USP12: variants seen among roughly 807,000 people sequenced by gnomAD.
USP12 encodes ubiquitin carboxyl-terminal hydrolase 12.
USP12 carries 19 observed loss-of-function variants against 45.5 expected under a neutral mutation model. The ratio of observed to expected loss-of-function variants is 0.42; its 90% confidence interval spans 0.29 to 0.61. USP12 has a LOEUF of 0.61. Ranked by LOEUF, USP12 falls within the 20% of genes least tolerant of loss-of-function variation. The probability of loss-of-function intolerance (pLI) is 0.22; values close to 1 mark genes in which losing one functional copy is unlikely to be tolerated. For missense variants in USP12, 242 were observed against 447.7 expected (o/e 0.54, Z 4.15); for synonymous variants, 149 against 148.8 (o/e 1.00, Z -0.01).
chr13:27,076,491 A>G (rs1249560939), intron 6 of USP12, among the ~76,000 whole-genome samples: 1 of 152,164 alleles, frequency 6.6e-6, no homozygotes, highest in African/African-American at 2.4e-5. Flanking sequence ...AGCACCTTAC[A>G]GGTTCACTTT....
chr13:27,149,834 G>C (rs1330903674), intron 1 of USP12, among the ~76,000 whole-genome samples: 2 of 152,210 alleles, frequency 1.3e-5, no homozygotes, highest in Admixed American at 1.3e-4. Context: ...TTCTCATAAG[G>C]AATGTGAACC....
At chr13:27,116,237 G>T (rs531791869) in intron 2 of USP12, among the ~76,000 whole-genome samples, 2 of 150,782 alleles carry the variant, frequency 1.3e-5, no homozygotes, top group Non-Finnish European at 3.0e-5. Flanking sequence ...GCGTGAACCC[G>T]GGAGGCAGAC....
intron 2 of USP12, 76 bp from the exon 3 acceptor site, chr13:27,106,020 G>T: frequency 7.8e-7 from 1 of 1,285,580 alleles, no homozygotes; most frequent in Non-Finnish European, 1.1e-6. Context: ...GTATATGGTT[G>T]AGAACAGAAA....
At chr13:27,133,249 C>CA (rs1354792472) in intron 1 of USP12, among the ~76,000 whole-genome samples, 5 of 152,192 alleles carry the variant, frequency 3.3e-5, no homozygotes, top group Admixed American at 6.5e-5. Flanking sequence ...ACTCACATGA[C>CA]ATCTTTCTGT....
At chr13:27,109,951 A>T (rs1593189445) in intron 2 of USP12, among the ~76,000 whole-genome samples, 1 of 151,442 alleles carries the variant, frequency 6.6e-6, no homozygotes. Flanking sequence ...AAAAGAAGAT[A>T]CTTGAATCAA....
chr13:27,171,569 G>A (rs1418991235), intron 1 of USP12, 23 bp downstream of exon 1: 4 of 1,236,660 alleles, frequency 3.2e-6, no homozygotes, highest in Admixed American at 2.5e-5. Context: ...GGCAGCCCCG[G>A]CCGCCCGCTC....
At chr13:27,157,348 G>A (rs933699303) in intron 1 of USP12, among the ~76,000 whole-genome samples, 4 of 152,008 alleles carry the variant, frequency 2.6e-5, no homozygotes, top group African/African-American at 4.8e-5. Context: ...ATATAATCCC[G>A]TCATTATATA....
At chr13:27,108,530 T>TA (rs57854009) in intron 2 of USP12, among the ~76,000 whole-genome samples, 129,258 of 145,568 alleles carry the variant, frequency 0.89, 57,985 homozygotes, top group Non-Finnish European at 0.96. Context: ...ACTTAAAGCA[T>TA]AAAAAAAAAA....
intron 1 of USP12, among the ~76,000 whole-genome samples, chr13:27,136,094 C>T (rs17085232): frequency 0.027 from 4,057 of 152,282 alleles, 75 homozygotes; most frequent in Non-Finnish European, 0.037. Flanking sequence ...AAACCGCTTT[C>T]CATGTTCTGT....
intron 4 of USP12, among the ~76,000 whole-genome samples, chr13:27,092,487 AAGACAGTGTGGT>A (rs113711633): frequency 0.014 from 2,125 of 152,332 alleles, 71 homozygotes; most frequent in African/African-American, 0.049. Context: ...TACGGTAATC[AAGACAGTGTGGT>A]AGTGGGGAAA....
chr13:27,137,064 A>T (rs781031644), intron 1 of USP12, among the ~76,000 whole-genome samples: 2 of 152,346 alleles, frequency 1.3e-5, no homozygotes, highest in Non-Finnish European at 2.9e-5. Flanking sequence ...AGTGACAAAG[A>T]TATTGAACAA....
At chr13:27,164,011 C>T (rs1010952439) in intron 1 of USP12, among the ~76,000 whole-genome samples, 1 of 151,358 alleles carries the variant, frequency 6.6e-6, no homozygotes, top group Non-Finnish European at 1.5e-5. Context: ...AACCTACATG[C>T]AGCACGATAT....
intron 6 of USP12, 95 bp from the exon 7 acceptor site, chr13:27,075,483 A>G (rs1873435926): frequency 8.6e-7 from 1 of 1,165,534 alleles, no homozygotes; most frequent in African/African-American, 1.6e-5. Flanking sequence ...ACAGATAGAC[A>G]ATGGTCAGTT....
intron 1 of USP12, among the ~76,000 whole-genome samples, chr13:27,144,868 C>A (rs1171563850): frequency 2.0e-5 from 3 of 149,958 alleles, no homozygotes; most frequent in Admixed American, 2.0e-4. Context: ...GAGACCAGCC[C>A]GGGTAATAGG....
chr13:27,075,141 G>T (rs757762594), intron 7 of USP12, 50 bp downstream of exon 7: 1 of 1,574,734 alleles, frequency 6.4e-7, no homozygotes, highest in South Asian at 1.1e-5. Flanking sequence ...AATGTACCCT[G>T]CTCTTCTAAC....
rs1384182613 is a variant in USP12, at chr13:27,069,217, T to G, written c.*66A>C. 3 of 1,395,818 alleles carry G rather than the reference T, an allele frequency of 2.1e-6. No individual in the cohort carries two copies. The highest frequency in any genetic ancestry group is 2.3e-5 in the East Asian group (1 of 43,880). 86.5% of individuals were successfully genotyped at this position (1,395,818 alleles called of 1,614,324 possible). On this transcript the variant is annotated 3_prime_UTR_variant, in exon 9 of 9. Transcript: ENST00000282344. ...TTCTCTTTTCTTGAAAAATCAGTGC[T>G]TGATCCTTTCCAAAATAACCAGAGA...
chr13:27,082,732 T>C (rs1873818724), intron 6 of USP12, among the ~76,000 whole-genome samples: 1 of 152,218 alleles, frequency 6.6e-6, no homozygotes, highest in Non-Finnish European at 1.5e-5. Flanking sequence ...ATTGGCCTAA[T>C]TTCAATATTG....
rs978519165 is a variant in USP12 at position 27,129,088 on chromosome 13, C to A, written c.49-12492G>T. 6.6e-6 allele frequency among the ~76,000 whole-genome samples: 1 copy of A among 152,088 alleles called. No individual in the cohort carries two copies. Among genetic ancestry groups the A allele is most frequent in the African/African-American group, 2.4e-5 (1 of 41,402 alleles). On this transcript the variant is annotated intron_variant, in intron 1 of 8. Coordinates refer to ENST00000282344, the MANE Select transcript of USP12 (RefSeq NM_182488.4). This position sits in a 1 kb window ranked among gnomAD's most constrained non-coding sequence, Gnocchi z 4.0. ...AGTTTTATCAAATACTCGGAATATT[C>A]CATACACTTCAAATAAAAAAAAGTA...
chr13:27,069,984 T>C (rs67171711), intron 8 of USP12, among the ~76,000 whole-genome samples: 12,129 of 152,108 alleles, frequency 0.08, 556 homozygotes, highest in Middle Eastern at 0.11. Context: ...ACCTAACATA[T>C]ATCCAAGAAA....
Sources: allele counts gnomAD v4.1 joint callset (sites outside exome capture counted in the v4.1 genomes callset), GRCh38; gene constraint gnomAD v4.1.1; non-coding constraint Gnocchi (gnomAD v3.1); transcripts MANE v1.5; gene names NCBI Gene and HGNC (gene_info 2026-07-23, HGNC 2026-07-21).